Variants in TCP11L1 observed in about 807,000 individuals in gnomAD.
The protein encoded by TCP11L1 is t-complex 11 like 1.
In TCP11L1, 28 loss-of-function variants were observed where a neutral mutation model predicts 48.9. That is an observed-to-expected ratio of 0.57 (90% CI 0.42 to 0.78). The LOEUF is 0.78. Ranked by LOEUF, TCP11L1 falls within the 30% of genes least tolerant of loss-of-function variation. TCP11L1 has a pLI of 0.00. For synonymous variants in TCP11L1, 204 were observed against 231.9 expected, an observed-to-expected ratio of 0.88 and a Z score of 1.09; for missense variants, 505 against 613.4, an observed-to-expected ratio of 0.82 and a Z score of 1.87.
intron 2 of TCP11L1, among the ~76,000 whole-genome samples, chr11:33,048,205 A>T: frequency 6.7e-6 from 1 of 149,176 alleles, no homozygotes. Context: ...TTAAGACCGG[A>T]TCACTCTATG....
intron 1 of TCP11L1, chr11:33,040,057 G>A (rs1471316704): frequency 6.6e-6 from 1 of 152,230 alleles, no homozygotes; most frequent in Admixed American, 6.5e-5. Context: ...CGCCGGGCGC[G>A]AGTGGAGCTC....
chr11:33,057,958 A>G lies in TCP11L1; in HGVS notation c.457A>G (p.Arg153Gly). Residue 153 changes from arginine (R) to glycine (G), a missense_variant, in exon 5 of 10, where the codon AGA becomes GGA. Arg to Gly is a moderately radical substitution (Grantham distance 125). This residue lies in a region of TCP11L1 where 168 missense variants were observed against 183.5 expected (regional missense o/e 0.92). Transcript: ENST00000334274. Reference protein sequence around the residue: ...SFLLPGHTRLRNQITEVLDLD... With the variant: ...SFLLPGHTRLGNQITEVLDLD... ...CTTGCTGCCTGGTCATACTAGACTG[A>G]GAAACCAGATAACAGAAGTCTTGGA... 1 of 1,614,152 alleles carries G rather than the reference A, an allele frequency of 6.2e-7. No individual in the cohort carries two copies. Among genetic ancestry groups the G allele is most frequent in the Non-Finnish European group, 8.5e-7 (1 of 1,180,024 alleles).
intron 7 of TCP11L1, among the ~76,000 whole-genome samples, 170 bp from the exon 8 acceptor site, chr11:33,065,660 C>T (rs1193413408): frequency 2.6e-5 from 4 of 152,184 alleles, no homozygotes; most frequent in Admixed American, 6.5e-5. Context: ...TCAGGAGGAA[C>T]GGCTCTGAGA....
chr11:33,056,663 C>T (rs554956248), intron 3 of TCP11L1: 32 of 251,744 alleles, frequency 1.3e-4, no homozygotes, highest in Middle Eastern at 5.4e-4. Flanking sequence ...AGGCTGATCT[C>T]GAACTCCTCA....
Position 33,072,981 on chromosome 11 carries a change from G to T in TCP11L1, c.*305G>T. The T allele has an allele frequency of 2.7e-6, 1 of 369,940 alleles. No individual in the cohort carries two copies. Among genetic ancestry groups the T allele is most frequent in the South Asian group, 2.5e-5 (1 of 40,192 alleles). The allele number at this position is 369,940 out of a possible 1,614,324, so 22.9% of individuals were successfully genotyped here. On this transcript the variant is annotated 3_prime_UTR_variant, in exon 10 of 10. Transcript: ENST00000334274. ...CCATCATGTCCTTCCAAGGAGGCTGGGACCTCTCTCTTCTGCAATCTGGGT... is the reference window on the plus strand; with the variant it reads ...CCATCATGTCCTTCCAAGGAGGCTGTGACCTCTCTCTTCTGCAATCTGGGT...
intron 2 of TCP11L1, among the ~76,000 whole-genome samples, chr11:33,050,761 G>T (rs1236897559): frequency 6.6e-6 from 1 of 151,494 alleles, no homozygotes; most frequent in Admixed American, 6.6e-5. Context: ...TGAGTTTTTT[G>T]TATCCTATCT....
At chr11:33,059,272 G>C (rs1370199213) in intron 6 of TCP11L1, among the ~76,000 whole-genome samples, 177 bp downstream of exon 6, 3 of 152,160 alleles carry the variant, frequency 2.0e-5, no homozygotes, top group Non-Finnish European at 4.4e-5. Flanking sequence ...GTTAAGCATT[G>C]AAAAGAAAAC....
intron 9 of TCP11L1, among the ~76,000 whole-genome samples, chr11:33,071,585 A>G (rs569634215): frequency 6.6e-6 from 1 of 152,330 alleles, no homozygotes; most frequent in East Asian, 1.9e-4. Flanking sequence ...AAAAGCATCA[A>G]CCTAAATTAT....
rs1854733202 is a variant in TCP11L1, at chr11:33,070,043, T to A, written c.1327+1184T>A. On this transcript the variant is annotated intron_variant, in intron 9 of 9. Coordinates refer to ENST00000334274, the MANE Select transcript of TCP11L1 (RefSeq NM_018393.4). ...TTACCGACAGATTGAAAACCAGCCC[T>A]TAAGGGGAGGATCACTTAAAACCAG... is the stretch of plus-strand genomic sequence containing the variant. Among the ~76,000 whole-genome samples, 3 of 151,952 alleles carry A rather than the reference T, an allele frequency of 2.0e-5. No individual in the cohort carries two copies. In the South Asian group the frequency reaches 6.2e-4, roughly 31 times the overall value.
chr11:33,045,999 G>A (rs937086332), intron 2 of TCP11L1, among the ~76,000 whole-genome samples: 1 of 152,248 alleles, frequency 6.6e-6, no homozygotes, highest in South Asian at 2.1e-4. Context: ...ATAGATCTAT[G>A]AGCCTAGGAG....
intron 2 of TCP11L1, among the ~76,000 whole-genome samples, chr11:33,045,947 G>C (rs1283081033): frequency 6.6e-6 from 1 of 152,242 alleles, no homozygotes; most frequent in Non-Finnish European, 1.5e-5. Context: ...AACATGTTCT[G>C]CTACTTGAGA....
intron 9 of TCP11L1, among the ~76,000 whole-genome samples, chr11:33,071,825 C>T (rs1854798402): frequency 6.6e-6 from 1 of 152,120 alleles, no homozygotes. Flanking sequence ...CCTTTACTCA[C>T]TCATGCATTC....
At chr11:33,062,068 G>A (rs772916398) in intron 7 of TCP11L1, among the ~76,000 whole-genome samples, 2 of 151,996 alleles carry the variant, frequency 1.3e-5, no homozygotes, top group Non-Finnish European at 2.9e-5. Context: ...GCGACAGAGC[G>A]AGACTCTGTC....
intron 9 of TCP11L1, among the ~76,000 whole-genome samples, chr11:33,071,079 C>T (rs1004001206): frequency 7.9e-5 from 12 of 151,414 alleles, no homozygotes; most frequent in Admixed American, 6.6e-5. Context: ...CTTTGGGAGG[C>T]GGGGGCAGAC....
chr11:33,070,994 C>G (rs1854772915), intron 9 of TCP11L1, among the ~76,000 whole-genome samples: 1 of 150,256 alleles, frequency 6.7e-6, no homozygotes, highest in South Asian at 2.1e-4. Context: ...GAGGGAAACT[C>G]CATCTCAAAA....
At chr11:33,065,622 TAGTG>T (rs1854592239) in intron 7 of TCP11L1, among the ~76,000 whole-genome samples, 1 of 152,144 alleles carries the variant, frequency 6.6e-6, no homozygotes, top group African/African-American at 2.4e-5. Flanking sequence ...TCTGTGTTCT[TAGTG>T]AGGGCGCTAT....
At chr11:33,054,483 A>G in intron 2 of TCP11L1, 110 bp from the exon 3 acceptor site, 8 of 1,325,026 alleles carry the variant, frequency 6.0e-6, no homozygotes, top group Non-Finnish European at 8.4e-6. Context: ...AAACATTTTA[A>G]TAGACGCAAT....
At chr11:33,049,621 T>C (rs1222930554) in intron 2 of TCP11L1, among the ~76,000 whole-genome samples, 1 of 152,138 alleles carries the variant, frequency 6.6e-6, no homozygotes, top group Non-Finnish European at 1.5e-5. Context: ...TAAGGAAAGG[T>C]ACTGTGCCTT....
intron 2 of TCP11L1, among the ~76,000 whole-genome samples, chr11:33,050,655 CA>C (rs1854132434): frequency 6.8e-6 from 1 of 148,038 alleles, no homozygotes; most frequent in Admixed American, 6.7e-5. Flanking sequence ...AAACAAATAA[CA>C]AAAAAACCTT....
Sources: allele counts gnomAD v4.1 joint callset (sites outside exome capture counted in the v4.1 genomes callset), GRCh38; gene constraint gnomAD v4.1.1; regional missense constraint gnomAD v4.1.1; transcripts MANE v1.5; gene names NCBI Gene and HGNC (gene_info 2026-07-23, HGNC 2026-07-21).